Variants in DISC1 observed in about 807,000 individuals in gnomAD.
DISC1 encodes disrupted in schizophrenia 1 protein.
Under a neutral mutation model 84.5 loss-of-function variants are expected in DISC1, and 57 were observed. The observed-to-expected ratio is 0.67, with a 90% CI of 0.55 to 0.84. DISC1 has a LOEUF of 0.84. DISC1 is among the 40% of genes least tolerant of loss of function. The probability of loss-of-function intolerance (pLI) is 0.00; values close to 1 mark genes in which losing one functional copy is unlikely to be tolerated. For synonymous variants in DISC1, 411 were observed against 415.2 expected (o/e 0.99, Z 0.12); for missense variants, 1,000 against 1,057.8 (o/e 0.95, Z 0.76).
At chr1:231,814,840 C>A (rs1414214390) in intron 8 of DISC1, 1 of 151,884 alleles carries the variant, frequency 6.6e-6, no homozygotes, top group Non-Finnish European at 1.5e-5. Flanking sequence ...TCAGCCAGGC[C>A]AGGGAAAATA....
chr1:231,888,996 T>C (rs1265109945), intron 9 of DISC1, among the ~76,000 whole-genome samples: 1 of 152,130 alleles, frequency 6.6e-6, no homozygotes, highest in Non-Finnish European at 1.5e-5. Context: ...TCCCTGCATC[T>C]CTGAATGGGA....
intron 1 of DISC1, among the ~76,000 whole-genome samples, chr1:231,677,811 T>A (rs565083528): frequency 6.6e-6 from 1 of 152,316 alleles, no homozygotes; most frequent in African/African-American, 2.4e-5. Context: ...AAACCCTGTC[T>A]CTACTAATAA....
chr1:231,851,055 A>G (rs1460597582), intron 9 of DISC1, among the ~76,000 whole-genome samples: 1 of 152,098 alleles, frequency 6.6e-6, no homozygotes, highest in Non-Finnish European at 1.5e-5. Flanking sequence ...GTATGCCCTG[A>G]CTTCTAAAGG....
chr1:231,700,152 G>A (rs1299436690), intron 2 of DISC1, among the ~76,000 whole-genome samples: 4 of 151,968 alleles, frequency 2.6e-5, no homozygotes, highest in African/African-American at 7.3e-5. Flanking sequence ...CTTTTTCATA[G>A]CATTAATCAC....
intron 3 of DISC1, chr1:231,745,461 A>G (rs891397461): frequency 3.1e-5 from 7 of 228,924 alleles, no homozygotes; most frequent in Non-Finnish European, 4.8e-5. Flanking sequence ...ACCTCAAGCA[A>G]TCCACCTGCT....
chr1:231,927,674 A>G (rs1283282902), intron 9 of DISC1, among the ~76,000 whole-genome samples: 2 of 152,238 alleles, frequency 1.3e-5, no homozygotes, highest in Admixed American at 6.5e-5. Flanking sequence ...GAAGGAAGTC[A>G]TTGATGGAGA....
intron 10 of DISC1, among the ~76,000 whole-genome samples, chr1:231,995,333 ATTTAT>A (rs1665780723): frequency 6.6e-6 from 1 of 151,312 alleles, no homozygotes; most frequent in African/African-American, 2.4e-5. Flanking sequence ...TTCTTTTTTT[ATTTAT>A]TTTATTTTAT....
At chr1:231,848,373 G>A (rs2083613949) in intron 9 of DISC1, among the ~76,000 whole-genome samples, 2 of 152,160 alleles carry the variant, frequency 1.3e-5, no homozygotes, top group Non-Finnish European at 2.9e-5. Context: ...ATAAATGAGC[G>A]AATATTTAAA....
rs530371947 is a variant in DISC1, at chr1:231,826,326, G to A, written c.1981+7809G>A. Among the ~76,000 whole-genome samples the A allele has an allele frequency of 1.1e-4, 17 of 152,104 alleles. No individual in the cohort carries two copies. Among genetic ancestry groups the A allele is most frequent in the Middle Eastern group, 3.4e-3 (1 of 294 alleles). On this transcript the variant is annotated intron_variant, in intron 9 of 12. Transcript: ENST00000439617. This position sits in a 1 kb window ranked among gnomAD's most constrained non-coding sequence, Gnocchi z 4.2. ...TAACGTCAGTCTCTCTATCCATCCC[G>A]CAACCTCATCACCCTACCTAAATAC...
chr1:231,793,618 C>T (rs1262061050), intron 6 of DISC1, among the ~76,000 whole-genome samples: 1 of 152,202 alleles, frequency 6.6e-6, no homozygotes, highest in African/African-American at 2.4e-5. Context: ...CTGGTTTTGT[C>T]ACATTCAGAC....
intron 9 of DISC1, among the ~76,000 whole-genome samples, chr1:231,917,832 A>G (rs1445601664): frequency 3.9e-5 from 6 of 152,216 alleles, no homozygotes; most frequent in Non-Finnish European, 7.3e-5. Context: ...ACGTCTACTG[A>G]TTATTAATTA....
At chr1:231,832,157 CCA>C (rs1491394591) in intron 9 of DISC1, among the ~76,000 whole-genome samples, 128,314 of 150,162 alleles carry the variant, frequency 0.85, 54,899 homozygotes, top group Non-Finnish European at 0.88. Context: ...GCTGAAGGAG[CCA>C]GGGAGCAGAA....
intron 9 of DISC1, among the ~76,000 whole-genome samples, chr1:231,903,841 A>G (rs1412696324): frequency 2.0e-5 from 3 of 152,260 alleles, no homozygotes; most frequent in Non-Finnish European, 4.4e-5. Flanking sequence ...GGTGATTAAG[A>G]TGGGAAACCA....
At chr1:231,905,260 G>C (rs899162721) in intron 9 of DISC1, among the ~76,000 whole-genome samples, 7 of 152,210 alleles carry the variant, frequency 4.6e-5, no homozygotes, top group African/African-American at 1.7e-4. Flanking sequence ...GGGAAACTCA[G>C]ATGGAGGTGC....
intron 1 of DISC1, among the ~76,000 whole-genome samples, chr1:231,661,191 C>A (rs769807348): frequency 1.3e-5 from 2 of 149,774 alleles, no homozygotes; most frequent in Middle Eastern, 3.2e-3. Context: ...TTTTTCATTT[C>A]GACCTGGAGA....
chr1:231,743,105 C>T (rs200654096), intron 3 of DISC1, among the ~76,000 whole-genome samples: 1 of 152,200 alleles, frequency 6.6e-6, no homozygotes, highest in Non-Finnish European at 1.5e-5. Flanking sequence ...AACTTTTCAT[C>T]TGGCAGTGGA....
rs140603689 is a variant in DISC1, at chr1:231,714,406, G to A, written c.1117+12382G>A. Among the ~76,000 whole-genome samples, 269 of 152,260 alleles carry A rather than the reference G, an allele frequency of 1.8e-3. 2 individuals are homozygous for A. The highest frequency in any genetic ancestry group is 3.2e-3 in the Non-Finnish European group (221 of 68,014). Reference sequence around the variant, plus strand: ...TGGATTTTCACATCCAAAGAATAAAGTTGGACTCTTGTCTCACACCTTAAA... The same window carrying A: ...TGGATTTTCACATCCAAAGAATAAAATTGGACTCTTGTCTCACACCTTAAA... On this transcript the variant is annotated intron_variant, in intron 3 of 12. Coordinates refer to ENST00000439617, the MANE Select transcript of DISC1 (RefSeq NM_018662.3).
chr1:231,640,459 G>C (rs541044957), intron 1 of DISC1, among the ~76,000 whole-genome samples: 1 of 148,380 alleles, frequency 6.7e-6, no homozygotes, highest in East Asian at 2.1e-4. Flanking sequence ...CAACACAGCA[G>C]TATGCTCTGA....
chr1:231,740,079 GCTGCCTGAAACGT>G (rs2073047570), intron 3 of DISC1, among the ~76,000 whole-genome samples: 1 of 152,282 alleles, frequency 6.6e-6, no homozygotes, highest in Middle Eastern at 3.4e-3. Context: ...AGAAAAAGCA[GCTGCCTGAAACGT>G]GGCAGCTCTC....
Sources: gnomAD v4.1 joint callset for allele counts (sites outside exome capture counted in the v4.1 genomes callset) on GRCh38, gnomAD v4.1.1 for gene constraint, Gnocchi (gnomAD v3.1) non-coding constraint, MANE v1.5 for transcripts, NCBI Gene and HGNC (gene_info 2026-07-23, HGNC 2026-07-21) for gene names.